CPNE4: variants seen among roughly 807,000 people sequenced by gnomAD.
CPNE4 encodes copine 4.
A neutral mutation model predicts 67.9 loss-of-function variants in CPNE4; 25 were observed. The ratio of observed to expected loss-of-function variants is 0.37; its 90% CI spans 0.27 to 0.51. CPNE4 has a LOEUF of 0.51. Among genes scored for constraint, CPNE4 ranks in the 20% least tolerant of loss-of-function variants. CPNE4 has a pLI of 0.93. For synonymous variants in CPNE4, 242 were observed against 244.9 expected (o/e 0.99, Z 0.11); for missense variants, 464 against 690.8 (o/e 0.67, Z 3.68).
At chr3:131,830,374 G>C (rs1252868665) in intron 2 of CPNE4, among the ~76,000 whole-genome samples, 2 of 152,104 alleles carry the variant, frequency 1.3e-5, no homozygotes, top group African/African-American at 4.8e-5. Flanking sequence ...GCAACCAGCT[G>C]ACAGGGTGAA....
At chr3:131,867,849 C>T (rs1031323862) in intron 2 of CPNE4, among the ~76,000 whole-genome samples, 14 of 152,114 alleles carry the variant, frequency 9.2e-5, no homozygotes, top group Non-Finnish European at 1.6e-4. Flanking sequence ...TCCTCTTCAT[C>T]CTCTACGTTG....
chr3:131,567,935 A>C (rs1937139174), intron 10 of CPNE4, among the ~76,000 whole-genome samples: 1 of 152,004 alleles, frequency 6.6e-6, no homozygotes, highest in Admixed American at 6.6e-5. Context: ...ATTTCTTTTC[A>C]GTCAGGCCTC....
intron 1 of CPNE4, among the ~76,000 whole-genome samples, chr3:132,005,346 C>CATATATATATATATAT (rs2073568687): frequency 7.0e-4 from 10 of 14,322 alleles, no homozygotes; most frequent in South Asian, 8.1e-3. Context: ...TATATATACA[C>CATATATATATATATAT]ACACACACAC....
At chr3:131,628,496 G>A (rs2079134839) in intron 7 of CPNE4, among the ~76,000 whole-genome samples, 1 of 152,270 alleles carries the variant, frequency 6.6e-6, no homozygotes, top group South Asian at 2.1e-4. Context: ...TTGTACCTCT[G>A]GTAGAATTTG....
chr3:131,946,463 T>C (rs60096977), intron 1 of CPNE4, among the ~76,000 whole-genome samples: 21,485 of 152,234 alleles, frequency 0.14, 1,595 homozygotes, highest in African/African-American at 0.19. Context: ...CTTTTGGCTA[T>C]TGTGAATAGT....
chr3:131,807,588 G>A (rs2084367763), intron 2 of CPNE4, among the ~76,000 whole-genome samples: 1 of 151,698 alleles, frequency 6.6e-6, no homozygotes, highest in Non-Finnish European at 1.5e-5. Context: ...TATTTCTCTA[G>A]GTTAAAAAAA....
chr3:131,539,141 T>G (rs1171296174), intron 15 of CPNE4, among the ~76,000 whole-genome samples: 2 of 152,190 alleles, frequency 1.3e-5, no homozygotes, highest in Non-Finnish European at 2.9e-5. Flanking sequence ...TAGATTAGTT[T>G]GGGTAATGAA....
At chr3:131,816,849 C>G (rs1307627213) in intron 2 of CPNE4, among the ~76,000 whole-genome samples, 1 of 152,172 alleles carries the variant, frequency 6.6e-6, no homozygotes, top group African/African-American at 2.4e-5. Context: ...ACACCATGAC[C>G]CAAGGTCTAT....
At chr3:131,953,678 A>T (rs1037351819) in intron 1 of CPNE4, among the ~76,000 whole-genome samples, 1 of 152,200 alleles carries the variant, frequency 6.6e-6, no homozygotes, top group African/African-American at 2.4e-5. Flanking sequence ...ACATGTTCTC[A>T]TTCATACGTG....
At chr3:131,733,218 G>T (rs2082165759) in intron 2 of CPNE4, among the ~76,000 whole-genome samples, 1 of 152,118 alleles carries the variant, frequency 6.6e-6, no homozygotes, top group African/African-American at 2.4e-5. Flanking sequence ...ATATATTCAG[G>T]TACCATCTGA....
intron 7 of CPNE4, among the ~76,000 whole-genome samples, chr3:131,665,553 G>C (rs1191963230): frequency 1.3e-5 from 2 of 151,994 alleles, no homozygotes; most frequent in East Asian, 1.9e-4. Context: ...TAGCTACTCA[G>C]GAGGCCAAGG....
chr3:131,798,395 A>T (rs2083978520), intron 2 of CPNE4, among the ~76,000 whole-genome samples: 1 of 152,206 alleles, frequency 6.6e-6, no homozygotes, highest in Admixed American at 6.5e-5. Context: ...CATGACCTGT[A>T]CAAGACAATG....
chr3:131,710,197 C>T (rs184085847), intron 3 of CPNE4, among the ~76,000 whole-genome samples: 14 of 152,258 alleles, frequency 9.2e-5, no homozygotes, highest in Admixed American at 7.8e-4. Context: ...ATGCATTATT[C>T]ATTGAATACA....
chr3:131,883,828 A>G (rs1434393824), intron 2 of CPNE4, among the ~76,000 whole-genome samples: 1 of 152,230 alleles, frequency 6.6e-6, no homozygotes, highest in Non-Finnish European at 1.5e-5. Context: ...CAACTTTTTC[A>G]TCTTGCATAA....
chr3:131,693,765 C>T (rs1191887630), intron 5 of CPNE4, among the ~76,000 whole-genome samples: 5 of 152,170 alleles, frequency 3.3e-5, no homozygotes, highest in Non-Finnish European at 5.9e-5. Context: ...TCCCCTCTTC[C>T]TGGCTTCCTA....
intron 1 of CPNE4, among the ~76,000 whole-genome samples, chr3:132,018,980 G>A (rs1002012835): frequency 6.6e-5 from 10 of 152,160 alleles, no homozygotes; most frequent in African/African-American, 2.4e-4. Flanking sequence ...GAAATAATGG[G>A]AAACTCTGCT....
intron 5 of CPNE4, among the ~76,000 whole-genome samples, chr3:131,692,839 C>T (rs2081062739): frequency 6.6e-6 from 1 of 152,064 alleles, no homozygotes. Flanking sequence ...GGAATTAGTT[C>T]CAATGCACCA....
At chr3:131,745,938 A>G (rs1303683391) in intron 2 of CPNE4, among the ~76,000 whole-genome samples, 1 of 152,136 alleles carries the variant, frequency 6.6e-6, no homozygotes, top group African/African-American at 2.4e-5. Flanking sequence ...TGGTATTTTT[A>G]TAGAAATTAT....
At chr3:131,967,611 C>T (rs761155935) in intron 1 of CPNE4, among the ~76,000 whole-genome samples, 1 of 152,112 alleles carries the variant, frequency 6.6e-6, no homozygotes, top group Non-Finnish European at 1.5e-5. Flanking sequence ...CATGAGTGAA[C>T]TCCCATTCAC....
Sources: gnomAD v4.1 joint callset for allele counts (sites outside exome capture counted in the v4.1 genomes callset) on GRCh38, gnomAD v4.1.1 for gene constraint, MANE v1.5 for transcripts, NCBI Gene and HGNC (gene_info 2026-07-23, HGNC 2026-07-21) for gene names.